Variants in CCNI observed in about 807,000 individuals in gnomAD.
The protein encoded by CCNI is cyclin I.
CCNI carries 14 observed loss-of-function variants against 34.1 expected under a neutral mutation model. The observed-to-expected ratio is 0.41, with a 90% CI of 0.27 to 0.64. The LOEUF is 0.64. Ranked by LOEUF, CCNI falls within the 30% of genes least tolerant of loss-of-function variation. CCNI has a pLI of 0.31. For missense variants in CCNI, 385 were observed against 440.5 expected (o/e 0.87, Z 1.13); for synonymous variants, 154 against 158.4 (o/e 0.97, Z 0.21).
intron 6 of CCNI, among the ~76,000 whole-genome samples, chr4:77,049,189 G>A (rs1205809831): frequency 5.3e-5 from 8 of 151,940 alleles, no homozygotes; most frequent in Admixed American, 4.6e-4. Flanking sequence ...TTAGAAATAT[G>A]TATTTTGTAG....
intron 6 of CCNI, among the ~76,000 whole-genome samples, chr4:77,051,867 G>A (rs988170304): frequency 1.3e-5 from 2 of 151,958 alleles, no homozygotes; most frequent in African/African-American, 4.8e-5. Context: ...TGAACAGCAT[G>A]AAGCACTGAG....
rs1727521111 is a variant in CCNI, at chr4:77,047,638, AAATC to A, written c.*577_*580del. The A allele has an allele frequency of 6.6e-6, 1 of 152,248 alleles. No individual in the cohort carries two copies. Among genetic ancestry groups the A allele is most frequent in the Non-Finnish European group, 1.5e-5 (1 of 68,052 alleles). 9.4% of individuals were successfully genotyped at this position (152,248 alleles called of 1,614,324 possible). On this transcript the variant is annotated 3_prime_UTR_variant, in exon 7 of 7. Transcript: ENST00000237654. ...AAATTAAAATTTGAAATGAGACACA[AAATC>A]AACCTGGTAATATGAGAACTTTTTC...
At chr4:77,051,391 A>G (rs4252930) in intron 6 of CCNI, among the ~76,000 whole-genome samples, 5,384 of 152,330 alleles carry the variant, frequency 0.035, 125 homozygotes, top group East Asian at 0.085. Flanking sequence ...CTAAAAAGAC[A>G]TGTATTTAAG....
Position 77,066,231 on chromosome 4 carries a change from T to A in CCNI, c.114+18A>T. 1 of 1,606,946 alleles carries A rather than the reference T, an allele frequency of 6.2e-7. No homozygotes were observed. Among genetic ancestry groups the A allele is most frequent in the Non-Finnish European group, 8.5e-7 (1 of 1,173,798 alleles). ...TATTTCTAATAAAATTCATCTGTCT[T>A]AAGAGAAAAATCATTACCTGATTTG... On this transcript the variant is annotated intron_variant, in intron 2 of 6. Transcript: ENST00000237654.
intron 6 of CCNI, 102 bp downstream of exon 6, chr4:77,055,048 T>C (rs1728115218): frequency 2.8e-6 from 2 of 706,950 alleles, no homozygotes; most frequent in Non-Finnish European, 4.8e-6. Context: ...TAAGAATGGT[T>C]TGCCATTACA....
At chr4:77,070,412 C>T (rs565335964) in intron 1 of CCNI, among the ~76,000 whole-genome samples, 36 of 150,724 alleles carry the variant, frequency 2.4e-4, no homozygotes, top group African/African-American at 7.3e-4. Context: ...TCTCAGGTTC[C>T]TTGTTAAGCC....
intron 6 of CCNI, among the ~76,000 whole-genome samples, chr4:77,049,321 CCT>C (rs929912155): frequency 2.0e-5 from 3 of 152,198 alleles, no homozygotes; most frequent in East Asian, 1.9e-4. Flanking sequence ...TGGAGTTACC[CCT>C]GACTCCCTCA....
intron 1 of CCNI, among the ~76,000 whole-genome samples, chr4:77,071,404 A>G (rs1037908622): frequency 1.3e-5 from 2 of 152,232 alleles, no homozygotes; most frequent in Non-Finnish European, 2.9e-5. Context: ...CTAAAAAAGG[A>G]TATCTCAAAT....
intron 2 of CCNI, among the ~76,000 whole-genome samples, chr4:77,061,792 C>G (rs965470468): frequency 6.6e-6 from 1 of 152,178 alleles, no homozygotes; most frequent in Non-Finnish European, 1.5e-5. Context: ...GCCTCAGCCT[C>G]CTGGGTAGCT....
intron 6 of CCNI, among the ~76,000 whole-genome samples, chr4:77,051,957 T>TG (rs981452015): frequency 1.3e-4 from 19 of 150,614 alleles, no homozygotes; most frequent in African/African-American, 4.7e-4. Flanking sequence ...TTTTTTTGTT[T>TG]TTTTTTTTTT....
Position 77,056,103 on chromosome 4 carries a change from C to G in CCNI, c.319-1G>C, listed in dbSNP as rs1383406855. 9 of 1,612,576 alleles carry G rather than the reference C, an allele frequency of 5.6e-6. No individual in the cohort carries two copies. Among genetic ancestry groups the G allele is most frequent in the Non-Finnish European group, 6.8e-6 (8 of 1,179,498 alleles). On this transcript the variant is annotated splice_acceptor_variant, in intron 4 of 6. Coordinates refer to ENST00000237654, the MANE Select transcript of CCNI (RefSeq NM_006835.3). LOFTEE classifies it high-confidence loss of function. ...CCAATACCTTTAGTACTGGAATTCTCTATCCAAAGCAAAGGGGAACAGGGA... is the reference window on the plus strand; with the variant it reads ...CCAATACCTTTAGTACTGGAATTCTGTATCCAAAGCAAAGGGGAACAGGGA...
intron 6 of CCNI, 98 bp from the exon 7 acceptor site, chr4:77,048,760 C>A: frequency 7.5e-6 from 6 of 804,898 alleles, no homozygotes; most frequent in Non-Finnish European, 1.1e-5. Flanking sequence ...CTGTGCTTTC[C>A]GTCCCCGCTG....
chr4:77,059,269 TTAATTTTTAGCAGGGACAC>T (rs1173656317), intron 2 of CCNI, among the ~76,000 whole-genome samples: 1 of 151,992 alleles, frequency 6.6e-6, no homozygotes, highest in Non-Finnish European at 1.5e-5. Flanking sequence ...GAGTATAAGC[TTAATTTTTAGCAGGGACAC>T]ACTTTAAAGT....
intron 1 of CCNI, among the ~76,000 whole-genome samples, chr4:77,067,421 G>A (rs1235409829): frequency 6.6e-6 from 1 of 152,102 alleles, no homozygotes; most frequent in Non-Finnish European, 1.5e-5. Flanking sequence ...ACTCTAAAAT[G>A]AGCAGCATGT....
chr4:77,050,004 G>A (rs1727720051), intron 6 of CCNI, among the ~76,000 whole-genome samples: 1 of 152,098 alleles, frequency 6.6e-6, no homozygotes, highest in Non-Finnish European at 1.5e-5. Context: ...AAACTGCTTA[G>A]TTTAGTATTA....
intron 6 of CCNI, among the ~76,000 whole-genome samples, chr4:77,051,172 C>T (rs1727799856): frequency 6.6e-6 from 1 of 152,160 alleles, no homozygotes; most frequent in Admixed American, 6.5e-5. Context: ...TGTGAAATTT[C>T]TTCCTGAATA....
intron 3 of CCNI, among the ~76,000 whole-genome samples, chr4:77,057,218 T>G (rs1385999824): frequency 6.6e-6 from 1 of 152,178 alleles, no homozygotes; most frequent in Non-Finnish European, 1.5e-5. Context: ...CACAGAAAGA[T>G]GAGTTTAAAG....
chr4:77,071,131 CAT>C (rs1327587076), intron 1 of CCNI, among the ~76,000 whole-genome samples: 7 of 152,170 alleles, frequency 4.6e-5, no homozygotes, highest in African/African-American at 1.7e-4. Context: ...GAAAGAGACA[CAT>C]AAAGTAGAAT....
In CCNI at chr4:77,075,645, G is replaced by C; in HGVS notation, c.-217C>G. 5.6e-6 allele frequency: 4 copies of C among 712,396 alleles called. No homozygotes were observed. Among genetic ancestry groups the C allele is most frequent in the Non-Finnish European group, 6.6e-6 (4 of 608,122 alleles). The allele number at this position is 712,396 out of a possible 1,614,324, so 44.1% of individuals were successfully genotyped here. On this transcript the variant is annotated 5_prime_UTR_variant, in exon 1 of 7. Coordinates refer to ENST00000237654, the MANE Select transcript of CCNI (RefSeq NM_006835.3). ...GGAGAAAGGGGAAGCGGATCGGGGG[G>C]CGCGGGCGCGGGCGCTGGCGCTCGA...
Sources: allele counts gnomAD v4.1 joint callset (sites outside exome capture counted in the v4.1 genomes callset), GRCh38; gene constraint gnomAD v4.1.1; transcripts MANE v1.5; gene names NCBI Gene and HGNC (gene_info 2026-07-23, HGNC 2026-07-21).